The following SLC8A1 variants were observed in gnomAD, a reference collection of about 807,000 sequenced individuals.
SLC8A1 encodes the protein solute carrier family 8 member A1.
In SLC8A1, 18 loss-of-function variants were observed where a neutral mutation model predicts 68.3. That is an observed-to-expected ratio of 0.26 (90% CI 0.18 to 0.39). The LOEUF (loss-of-function observed/expected upper bound fraction) is 0.39, where lower values mean the gene tolerates loss of function less well. Ranked by LOEUF, SLC8A1 falls within the 10% of genes least tolerant of loss-of-function variation. SLC8A1 has a pLI of 1.00. For missense variants in SLC8A1, 985 were observed against 1,156.7 expected (o/e 0.85, Z 2.15); for synonymous variants, 475 against 415.5 (o/e 1.14, Z -1.74).
chr2:40,312,767 A>G (rs1409361577), intron 2 of SLC8A1, among the ~76,000 whole-genome samples: 1 of 152,126 alleles, frequency 6.6e-6, no homozygotes, highest in Non-Finnish European at 1.5e-5. Flanking sequence ...ATATAATGCC[A>G]AACTTTATCA....
At position 40,256,964 on chromosome 2, in the gene SLC8A1, A is replaced by G. The variant is rs538994639; in HGVS notation, c.1809-79109T>C. 5.3e-5 allele frequency among the ~76,000 whole-genome samples: 8 copies of G among 152,272 alleles called. No homozygotes were observed. In the South Asian group the frequency reaches 1.2e-3, roughly 24 times the overall value. On this transcript the variant is annotated intron_variant, in intron 2 of 7. Coordinates refer to ENST00000406785, the Ensembl canonical transcript of SLC8A1. ...TGAGCCCATCAGCAACTCAGCCCCAAAAGTCTCTGCAGTCTCATCTGACAA... is the reference window on the plus strand; with the variant it reads ...TGAGCCCATCAGCAACTCAGCCCCAGAAGTCTCTGCAGTCTCATCTGACAA...
intron 3 of SLC8A1, 71 bp downstream of exon 4, chr2:40,175,190 C>G: frequency 6.9e-7 from 1 of 1,443,386 alleles, no homozygotes; most frequent in Non-Finnish European, 9.7e-7. Flanking sequence ...CACAGAGCTA[C>G]TGTATCACCT....
chr2:40,413,176 T>C (rs1266134649), intron 2 of SLC8A1, among the ~76,000 whole-genome samples: 1 of 152,196 alleles, frequency 6.6e-6, no homozygotes, highest in Non-Finnish European at 1.5e-5. Flanking sequence ...AGTTCAACCA[T>C]TGTGGAAGTC....
At chr2:40,332,329 G>T (rs1226550275) in intron 2 of SLC8A1, among the ~76,000 whole-genome samples, 3 of 150,018 alleles carry the variant, frequency 2.0e-5, no homozygotes, top group Non-Finnish European at 2.9e-5. Context: ...TGAACTTTGA[G>T]ACTGCAAGTC....
At chr2:40,429,551 T>C in exon 2 of SLC8A1, 1 of 1,613,486 alleles carries the variant, frequency 6.2e-7, no homozygotes, top group Non-Finnish European at 8.5e-7. Context: ...ACAACACAGA[T>C]GGGAAAGAAG....
intron 2 of SLC8A1, among the ~76,000 whole-genome samples, chr2:40,409,817 T>C (rs1342053369): frequency 6.6e-6 from 1 of 152,182 alleles, no homozygotes; most frequent in Non-Finnish European, 1.5e-5. Flanking sequence ...TAGTCATTCA[T>C]GTGTGGTCCC....
At chr2:40,247,652 ATT>A (rs2062071828) in intron 2 of SLC8A1, among the ~76,000 whole-genome samples, 1 of 152,204 alleles carries the variant, frequency 6.6e-6, no homozygotes, top group Non-Finnish European at 1.5e-5. Context: ...TTATAACTCT[ATT>A]TTAAATTTTT....
intron 7 of SLC8A1, among the ~76,000 whole-genome samples, chr2:40,127,448 T>A (rs1248310977): frequency 1.3e-5 from 2 of 152,124 alleles, no homozygotes; most frequent in African/African-American, 4.8e-5. Flanking sequence ...AGTTTTGGGG[T>A]TCTGATTTGC....
At chr2:40,496,835 A>G (rs1219578776) in intron 1 of SLC8A1, among the ~76,000 whole-genome samples, 1 of 150,346 alleles carries the variant, frequency 6.7e-6, no homozygotes, top group East Asian at 2.0e-4. Flanking sequence ...CAAAAAACCA[A>G]ACACCGCATA....
intron 1 of SLC8A1, among the ~76,000 whole-genome samples, chr2:40,505,390 A>T (rs1301551643): frequency 2.6e-5 from 4 of 151,882 alleles, no homozygotes; most frequent in Admixed American, 1.3e-4. Flanking sequence ...GGCGATGGAT[A>T]TCCCATTCCC....
chr2:40,225,232 T>C (rs1480104901), intron 2 of SLC8A1, among the ~76,000 whole-genome samples: 1 of 152,188 alleles, frequency 6.6e-6, no homozygotes, highest in Non-Finnish European at 1.5e-5. Flanking sequence ...TTATGGCTAG[T>C]TGTGTGACTG....
chr2:40,273,999 T>A (rs2066387270), intron 2 of SLC8A1, among the ~76,000 whole-genome samples: 2 of 151,804 alleles, frequency 1.3e-5, no homozygotes, highest in African/African-American at 4.8e-5. Flanking sequence ...CAAGGGACTG[T>A]GCCCCTCTCT....
chr2:40,507,459 T>C (rs1706444352), intron 1 of SLC8A1, among the ~76,000 whole-genome samples: 1 of 152,084 alleles, frequency 6.6e-6, no homozygotes, highest in African/African-American at 2.4e-5. Context: ...CTTTTTCAAG[T>C]GATTATTTAT....
intron 2 of SLC8A1, among the ~76,000 whole-genome samples, chr2:40,317,020 C>A (rs537287970): frequency 1.3e-5 from 2 of 151,976 alleles, no homozygotes; most frequent in East Asian, 1.9e-4. Flanking sequence ...TTCACTCATA[C>A]GGAGTAAGTG....
exon 2 of SLC8A1, chr2:40,429,598 C>T: frequency 6.2e-7 from 1 of 1,613,730 alleles, no homozygotes; most frequent in Non-Finnish European, 8.5e-7. Flanking sequence ...CTCCACAACA[C>T]CAGGAGATAT....
intron 2 of SLC8A1, among the ~76,000 whole-genome samples, chr2:40,266,852 A>G (rs966409458): frequency 2.0e-5 from 3 of 152,152 alleles, no homozygotes; most frequent in African/African-American, 7.2e-5. Context: ...TTCCACCCCA[A>G]GTTGGATTAT....
At chr2:40,448,300 A>G (rs1332783735) in intron 1 of SLC8A1, among the ~76,000 whole-genome samples, 1 of 152,164 alleles carries the variant, frequency 6.6e-6, no homozygotes, top group African/African-American at 2.4e-5. Flanking sequence ...AGAGAAAAAG[A>G]GATTTTGGAA....
chr2:40,115,610 C>T, exon 8 of SLC8A1: 1 of 1,609,116 alleles, frequency 6.2e-7, no homozygotes, highest in Non-Finnish European at 8.5e-7. Context: ...GGGTGGCTGC[C>T]ACTTTGCTGG....
exon 8 of SLC8A1, chr2:40,112,631 T>C (rs2034680692): frequency 6.7e-6 from 1 of 148,730 alleles, no homozygotes; most frequent in African/African-American, 2.5e-5. Context: ...TTGGTGCTTC[T>C]AGGCTAGCTT....
Sources: gnomAD v4.1 joint callset for allele counts (sites outside exome capture counted in the v4.1 genomes callset) on GRCh38, gnomAD v4.1.1 for gene constraint, MANE v1.5 for transcripts, NCBI Gene and HGNC (gene_info 2026-07-23, HGNC 2026-07-21) for gene names.